GPC6: variants seen among roughly 807,000 people sequenced by gnomAD.
GPC6 encodes glypican-6.
Under a neutral mutation model 55.2 loss-of-function variants are expected in GPC6, and 14 were observed. The ratio of observed to expected loss-of-function variants is 0.25; its 90% CI spans 0.17 to 0.40. The LOEUF is 0.40. GPC6 is among the 10% of genes least tolerant of loss of function. The pLI is 1.00. For missense variants in GPC6, 641 were observed against 708.5 expected (o/e 0.90, Z 1.08); for synonymous variants, 278 against 259.6 (o/e 1.07, Z -0.68).
chr13:93,995,706 A>G (rs1881515022), intron 3 of GPC6, among the ~76,000 whole-genome samples: 1 of 152,218 alleles, frequency 6.6e-6, no homozygotes, highest in Non-Finnish European at 1.5e-5. Context: ...TGATGGCATA[A>G]GAATTCAAAA....
chr13:93,915,328 C>T (rs562084515), intron 3 of GPC6, among the ~76,000 whole-genome samples: 2 of 152,294 alleles, frequency 1.3e-5, no homozygotes, highest in South Asian at 4.1e-4. Context: ...GTAAATGTAG[C>T]AAAGTGCCTT....
At chr13:94,166,958 A>G (rs183715379) in intron 4 of GPC6, among the ~76,000 whole-genome samples, 1 of 152,348 alleles carries the variant, frequency 6.6e-6, no homozygotes, top group Admixed American at 6.5e-5. Context: ...ATGGAATAAA[A>G]TGAGCATGGA....
chr13:93,832,122 AATATATAT>A (rs71126419), intron 3 of GPC6, among the ~76,000 whole-genome samples: 162 of 12,052 alleles, frequency 0.013, 5 homozygotes, highest in Middle Eastern at 0.056. Flanking sequence ...AAAAAAAAAA[AATATATAT>A]ATATATATAT....
chr13:93,669,500 T>C (rs992624700), intron 2 of GPC6, among the ~76,000 whole-genome samples: 2 of 152,190 alleles, frequency 1.3e-5, no homozygotes, highest in Admixed American at 6.5e-5. Flanking sequence ...TACCAGACAC[T>C]GTGAAGACAG....
intron 2 of GPC6, among the ~76,000 whole-genome samples, chr13:93,789,307 C>T (rs1035290732): frequency 2.6e-5 from 4 of 151,552 alleles, no homozygotes; most frequent in East Asian, 2.0e-4. Flanking sequence ...GTCAATAATC[C>T]GTGAGGATTT....
At chr13:94,238,331 T>G (rs1890943596) in intron 4 of GPC6, among the ~76,000 whole-genome samples, 1 of 152,104 alleles carries the variant, frequency 6.6e-6, no homozygotes, top group African/African-American at 2.4e-5. Flanking sequence ...AGCCTATAGC[T>G]AGAAGAGATA....
intron 1 of GPC6, among the ~76,000 whole-genome samples, chr13:93,228,467 TCCA>T (rs1485063061): frequency 6.6e-6 from 1 of 152,152 alleles, no homozygotes; most frequent in African/African-American, 2.4e-5. Context: ...CTGGCATTGC[TCCA>T]CCAAGAGCTT....
intron 2 of GPC6, among the ~76,000 whole-genome samples, chr13:93,774,850 A>G (rs61962141): frequency 0.21 from 32,028 of 152,054 alleles, 3,831 homozygotes; most frequent in Non-Finnish European, 0.27. Context: ...AATTTCAGAT[A>G]CAGTCAAGTA....
intron 2 of GPC6, among the ~76,000 whole-genome samples, chr13:93,658,651 T>C (rs1485648889): frequency 6.6e-6 from 1 of 151,924 alleles, no homozygotes; most frequent in East Asian, 1.9e-4. Context: ...CACTTTTGCC[T>C]TTCTTAGATA....
intron 3 of GPC6, among the ~76,000 whole-genome samples, chr13:93,888,273 A>C (rs1225784078): frequency 6.6e-6 from 1 of 152,132 alleles, no homozygotes; most frequent in Non-Finnish European, 1.5e-5. Flanking sequence ...CAAATTTATG[A>C]AGTTTGTTTT....
chr13:93,791,677 G>C (rs1263118846), intron 2 of GPC6, among the ~76,000 whole-genome samples: 1 of 151,376 alleles, frequency 6.6e-6, no homozygotes, highest in African/African-American at 2.4e-5. Flanking sequence ...TTTCCTGTTT[G>C]TTTTGTTAAA....
intron 4 of GPC6, among the ~76,000 whole-genome samples, chr13:94,251,342 C>G (rs1891341775): frequency 6.6e-6 from 1 of 151,748 alleles, no homozygotes; most frequent in South Asian, 2.1e-4. Context: ...AGGACAAATA[C>G]TTAATGTATG....
Position 93,707,133 on chromosome 13 carries a change from T to C in GPC6, c.320-123021T>C, listed in dbSNP as rs577454262. Among the ~76,000 whole-genome samples the C allele has an allele frequency of 2.0e-5, 3 of 151,916 alleles. No homozygotes were observed. In the South Asian group the frequency reaches 6.2e-4, roughly 31 times the overall value. On this transcript the variant is annotated intron_variant, in intron 2 of 8. Transcript: ENST00000377047. ...ACCTATAATTTCAAATTTAAAAAAATCTATCATTTCCATAGTTAGAGTTAG... is the reference window on the plus strand; with the variant it reads ...ACCTATAATTTCAAATTTAAAAAAACCTATCATTTCCATAGTTAGAGTTAG...
chr13:93,323,303 A>G (rs1436069925), intron 1 of GPC6, among the ~76,000 whole-genome samples: 1 of 152,206 alleles, frequency 6.6e-6, no homozygotes, highest in Admixed American at 6.5e-5. Flanking sequence ...GGACAAACTT[A>G]TTAAGTAATA....
rs551429619 is a variant in GPC6, at chr13:93,247,590, TA to T, written c.160+19978del. 1.7e-3 allele frequency among the ~76,000 whole-genome samples: 256 copies of T among 152,332 alleles called. 3 individuals are homozygous for T. The highest frequency in any genetic ancestry group is 5.7e-3 in the African/African-American group (237 of 41,588). ...TTAGATATCAGGTCAAGCATTATGT[TA>T]AAAGCTTAGGCCAATCTTTTTATAT... On this transcript the variant is annotated intron_variant, in intron 1 of 8. Coordinates refer to ENST00000377047, the MANE Select transcript of GPC6 (RefSeq NM_005708.5).
chr13:93,997,274 A>G (rs1049091690), intron 3 of GPC6, among the ~76,000 whole-genome samples: 3 of 152,190 alleles, frequency 2.0e-5, no homozygotes, highest in African/African-American at 7.2e-5. Flanking sequence ...CACGTACAAA[A>G]AAGCCTAGAG....
intron 1 of GPC6, among the ~76,000 whole-genome samples, chr13:93,384,576 T>A (rs557272523): frequency 6.6e-6 from 1 of 152,338 alleles, no homozygotes; most frequent in African/African-American, 2.4e-5. Flanking sequence ...TGTAAAGTAA[T>A]GCACTAGAAG....
intron 6 of GPC6, among the ~76,000 whole-genome samples, chr13:94,308,289 A>T (rs1681225789): frequency 6.6e-6 from 1 of 152,226 alleles, no homozygotes; most frequent in South Asian, 2.1e-4. Context: ...TAAGTAAAGC[A>T]TCAACACTTC....
In GPC6 at chr13:93,520,976, C is replaced by A. The variant is rs185008439; in HGVS notation, c.161-24287C>A. ...GTGTGGAGGTCACGTTAAGTAATCT[C>A]TACATTATCTTTTACATTTAAAATA... On this transcript the variant is annotated intron_variant, in intron 1 of 8. Transcript: ENST00000377047. Among the ~76,000 whole-genome samples, 373 of 151,930 alleles carry A rather than the reference C, an allele frequency of 2.5e-3. 3 individuals carry two copies. In the Middle Eastern group the frequency reaches 0.027, roughly 11 times the overall value.
Sources: allele counts gnomAD v4.1 joint callset (sites outside exome capture counted in the v4.1 genomes callset), GRCh38; gene constraint gnomAD v4.1.1; transcripts MANE v1.5; gene names NCBI Gene and HGNC (gene_info 2026-07-23, HGNC 2026-07-21).